Variants in KALRN observed in about 807,000 individuals in gnomAD.
KALRN encodes the protein kalirin.
A neutral mutation model predicts 353.7 loss-of-function variants in KALRN; 70 were observed. That is an observed-to-expected ratio of 0.20 (90% CI 0.16 to 0.24). KALRN has a LOEUF of 0.24. Ranked by LOEUF, KALRN falls within the 10% of genes least tolerant of loss-of-function variation. KALRN has a pLI of 1.00. For missense variants in KALRN, 2,791 were observed against 3,756.7 expected (o/e 0.74, Z 6.72); for synonymous variants, 1,391 against 1,434.8 (o/e 0.97, Z 0.69).
intron 1 of KALRN, among the ~76,000 whole-genome samples, chr3:124,039,514 T>C (rs1036391923): frequency 3.9e-5 from 6 of 152,228 alleles, no homozygotes; most frequent in Non-Finnish European, 5.9e-5. Context: ...AAGCAGCTAT[T>C]GAATCTAAGT....
At chr3:124,469,763 C>T (rs1300609566) in intron 25 of KALRN, among the ~76,000 whole-genome samples, 1 of 152,198 alleles carries the variant, frequency 6.6e-6, no homozygotes, top group Non-Finnish European at 1.5e-5. Flanking sequence ...GGCGTTCCAA[C>T]AAGCAAATGC....
chr3:124,205,647 A>G (rs2076347740), intron 1 of KALRN, among the ~76,000 whole-genome samples: 1 of 152,234 alleles, frequency 6.6e-6, no homozygotes, highest in South Asian at 2.1e-4. Context: ...CATTTAATGG[A>G]AACACCTACT....
At chr3:124,366,774 A>G (rs1401307725) in intron 10 of KALRN, among the ~76,000 whole-genome samples, 166 of 147,818 alleles carry the variant, frequency 1.1e-3, no homozygotes, top group African/African-American at 3.9e-3. Flanking sequence ...CTTCCCAGTA[A>G]GGGCCGCCGG....
At chr3:124,684,948 C>T (rs1021582085) in intron 51 of KALRN, among the ~76,000 whole-genome samples, 1 of 152,088 alleles carries the variant, frequency 6.6e-6, no homozygotes, top group African/African-American at 2.4e-5. Flanking sequence ...CCCCACTCCC[C>T]GCCAACTACC....
intron 58 of KALRN, 100 bp from the exon 59 acceptor site, chr3:124,717,147 G>C (rs374474187): frequency 2.5e-5 from 29 of 1,161,724 alleles, no homozygotes; most frequent in Middle Eastern, 4.2e-4. Context: ...ATAACAATAA[G>C]TATGAGAGAG....
At chr3:124,675,747 A>G (rs1411251391) in intron 49 of KALRN, among the ~76,000 whole-genome samples, 1 of 152,086 alleles carries the variant, frequency 6.6e-6, no homozygotes, top group Non-Finnish European at 1.5e-5. Flanking sequence ...GCTGATGTCA[A>G]TTAATGACCA....
intron 33 of KALRN, among the ~76,000 whole-genome samples, chr3:124,544,581 G>A (rs1205443521): frequency 6.6e-6 from 1 of 151,514 alleles, no homozygotes; most frequent in South Asian, 2.1e-4. Context: ...TATCTATATC[G>A]ATACATCTAT....
intron 34 of KALRN, among the ~76,000 whole-genome samples, chr3:124,630,631 T>C (rs2080665390): frequency 6.6e-6 from 1 of 152,168 alleles, no homozygotes; most frequent in Non-Finnish European, 1.5e-5. Context: ...CTATGAGCTG[T>C]ATGTCCTTAA....
chr3:124,672,466 C>T (rs2086585471), intron 48 of KALRN, among the ~76,000 whole-genome samples: 1 of 152,132 alleles, frequency 6.6e-6, no homozygotes, highest in Non-Finnish European at 1.5e-5. Flanking sequence ...TGTTTGACAC[C>T]TTAAAAAGAG....
intron 33 of KALRN, among the ~76,000 whole-genome samples, chr3:124,521,171 A>C (rs2067133448): frequency 6.6e-6 from 1 of 151,986 alleles, no homozygotes; most frequent in Non-Finnish European, 1.5e-5. Context: ...TGTAGAGCAC[A>C]GGCTGATGAG....
intron 31 of KALRN, chr3:124,491,771 G>T (rs536267873): frequency 1.0e-4 from 19 of 184,870 alleles, no homozygotes; most frequent in African/African-American, 4.2e-4. Context: ...AAGACACCTT[G>T]ATTTGCTCCA....
At chr3:124,114,826 G>A (rs1321527733) in intron 1 of KALRN, among the ~76,000 whole-genome samples, 1 of 152,206 alleles carries the variant, frequency 6.6e-6, no homozygotes, top group Non-Finnish European at 1.5e-5. Flanking sequence ...TCTGTTAATG[G>A]GATGTCTTGT....
chr3:124,075,493 T>G (rs756815557), intron 1 of KALRN, among the ~76,000 whole-genome samples: 8 of 152,188 alleles, frequency 5.3e-5, no homozygotes, highest in Non-Finnish European at 1.2e-4. Context: ...GGGTTGACCT[T>G]GGCATTGGCA....
chr3:124,247,991 C>A (rs976330384), intron 3 of KALRN, among the ~76,000 whole-genome samples: 3 of 152,208 alleles, frequency 2.0e-5, no homozygotes, highest in African/African-American at 7.2e-5. Context: ...TCCAGCATTA[C>A]CTAAACAAAA....
chr3:124,549,349 ATAAT>A (rs1158984086), intron 33 of KALRN, among the ~76,000 whole-genome samples: 10 of 144,438 alleles, frequency 6.9e-5, no homozygotes, highest in African/African-American at 2.6e-4. Context: ...ACACACACAC[ATAAT>A]CACACACACA....
intron 34 of KALRN, among the ~76,000 whole-genome samples, chr3:124,587,497 A>G (rs1456414489): frequency 1.3e-5 from 2 of 152,214 alleles, no homozygotes; most frequent in Non-Finnish European, 2.9e-5. Flanking sequence ...AGTGAGCTAC[A>G]TTGGGATTTC....
At chr3:124,553,825 G>A (rs1339786659) in intron 33 of KALRN, among the ~76,000 whole-genome samples, 1 of 152,252 alleles carries the variant, frequency 6.6e-6, no homozygotes, top group Non-Finnish European at 1.5e-5. Flanking sequence ...CAGCCTGAGG[G>A]TCAGTGTTGC....
intron 1 of KALRN, among the ~76,000 whole-genome samples, chr3:124,209,119 A>G (rs1443596220): frequency 6.6e-6 from 1 of 152,110 alleles, no homozygotes; most frequent in African/African-American, 2.4e-5. Flanking sequence ...TTGTCTCTCT[A>G]TGAGTTTGGT....
chr3:124,712,633 T>C (rs977941944), intron 57 of KALRN, among the ~76,000 whole-genome samples: 28 of 130,158 alleles, frequency 2.2e-4, no homozygotes, highest in Admixed American at 1.4e-3. Context: ...CTAGCCTGGG[T>C]AGCAGAGCAA....
Sources: gnomAD v4.1 joint callset for allele counts (sites outside exome capture counted in the v4.1 genomes callset) on GRCh38, gnomAD v4.1.1 for gene constraint, MANE v1.5 for transcripts, NCBI Gene and HGNC (gene_info 2026-07-23, HGNC 2026-07-21) for gene names.